ANKRD27: variants seen among roughly 807,000 people sequenced by gnomAD.
ANKRD27 encodes the protein ankyrin repeat domain-containing protein 27.
A neutral mutation model predicts 129.7 loss-of-function variants in ANKRD27; 112 were observed. That is an observed-to-expected ratio of 0.86 (90% confidence interval 0.74 to 1.01). The LOEUF (loss-of-function observed/expected upper bound fraction) is 1.01. Among genes scored for constraint, ANKRD27 ranks in the 50% least tolerant of loss-of-function variants. ANKRD27 has a pLI of 0.00. For missense variants in ANKRD27, 1,258 were observed against 1,300.5 expected (o/e 0.97, Z 0.50); for synonymous variants, 516 against 511.2 (o/e 1.01, Z -0.13).
At chr19:32,628,449 C>T (rs1966930249) in intron 14 of ANKRD27, among the ~76,000 whole-genome samples, 1 of 152,238 alleles carries the variant, frequency 6.6e-6, no homozygotes, top group Non-Finnish European at 1.5e-5. Context: ...ACTGACATTC[C>T]TCCCATCCTA....
chr19:32,619,598 G>A (rs77275135), intron 18 of ANKRD27, 45 bp from the exon 19 acceptor site: 24 of 1,606,794 alleles, frequency 1.5e-5, no homozygotes, highest in Non-Finnish European at 2.0e-5. Flanking sequence ...TGAGATGGGG[G>A]TCGTCTCAGC....
At chr19:32,659,070 T>C (rs1402536595) in intron 1 of ANKRD27, 25 bp from the exon 2 acceptor site, 1 of 1,250,456 alleles carries the variant, frequency 8.0e-7, no homozygotes, top group Non-Finnish European at 1.2e-6. Flanking sequence ...GGAAAAGCAG[T>C]GAATAGCCAT....
At chr19:32,625,712 G>A (rs569468972) in intron 17 of ANKRD27, among the ~76,000 whole-genome samples, 162 bp downstream of exon 17, 22 of 152,158 alleles carry the variant, frequency 1.4e-4, no homozygotes, top group Non-Finnish European at 2.2e-4. Flanking sequence ...GATTACAGGC[G>A]TGAGCCACCG....
chr19:32,673,385 C>A, intron 1 of ANKRD27: 1 of 985,350 alleles, frequency 1.0e-6, no homozygotes, highest in Non-Finnish European at 1.2e-6. Flanking sequence ...ATTTCACTCA[C>A]GCCTGTCCAC....
intron 21 of ANKRD27, 24 bp downstream of exon 21, chr19:32,617,565 T>C (rs1171231501): frequency 2.7e-6 from 2 of 743,702 alleles, no homozygotes; most frequent in Non-Finnish European, 4.9e-6. Flanking sequence ...AAAAATAAAA[T>C]AAAAAGCACT....
intron 18 of ANKRD27, among the ~76,000 whole-genome samples, chr19:32,621,387 G>T (rs932931915): frequency 6.6e-6 from 1 of 152,198 alleles, no homozygotes; most frequent in Non-Finnish European, 1.5e-5. Context: ...AGTACTTTGG[G>T]AGGCCAAGGT....
At chr19:32,639,590 T>C (rs11084666) in intron 11 of ANKRD27, 102 bp from the exon 12 acceptor site, 862,261 of 1,287,606 alleles carry the variant, frequency 0.67, 291,854 homozygotes, top group African/African-American at 0.84. Flanking sequence ...TCTAGTCAGT[T>C]GGTTCGCTCA....
chr19:32,619,203 C>T, intron 20 of ANKRD27, 57 bp downstream of exon 20: 2 of 1,573,570 alleles, frequency 1.3e-6, no homozygotes, highest in Non-Finnish European at 1.7e-6. Flanking sequence ...CAGCTGGACA[C>T]CACTGCCCAG....
At chr19:32,649,612 A>G in intron 3 of ANKRD27, 70 bp downstream of exon 3, 1 of 1,022,532 alleles carries the variant, frequency 9.8e-7, no homozygotes, top group Non-Finnish European at 1.5e-6. Context: ...TGAGAACGGG[A>G]CTCTCTTCCT....
chr19:32,652,495 A>G (rs1429505764), intron 2 of ANKRD27, among the ~76,000 whole-genome samples: 2 of 152,136 alleles, frequency 1.3e-5, no homozygotes, highest in East Asian at 3.9e-4. Flanking sequence ...CAGGTGGCTG[A>G]GGCCGGGAGG....
Position 32,639,339 on chromosome 19 carries a change from C to T in ANKRD27, c.1116+17G>A, listed in dbSNP as rs770065863. On this transcript the variant is annotated intron_variant, in intron 12 of 28. Coordinates refer to ENST00000306065, the MANE Select transcript of ANKRD27 (RefSeq NM_032139.3). Reference sequence around the variant, plus strand: ...TGATGCCCACAAAGGAAGGCCAGGGCAGGGGTGAGATCTTACAGGGGGTTT... The same window carrying T: ...TGATGCCCACAAAGGAAGGCCAGGGTAGGGGTGAGATCTTACAGGGGGTTT... 5 of 1,614,042 alleles carry T rather than the reference C, an allele frequency of 3.1e-6. No homozygotes were observed. In the South Asian group the frequency reaches 4.4e-5, roughly 14 times the overall value.
At chr19:32,616,336 T>C (rs1971918617) in intron 21 of ANKRD27, among the ~76,000 whole-genome samples, 1 of 152,114 alleles carries the variant, frequency 6.6e-6, no homozygotes, top group Non-Finnish European at 1.5e-5. Flanking sequence ...GCAGATCACC[T>C]GAGGTCAGGA....
At chr19:32,673,853 C>T (rs259286) in intron 1 of ANKRD27, among the ~76,000 whole-genome samples, 89,961 of 151,798 alleles carry the variant, frequency 0.59, 27,719 homozygotes, top group Non-Finnish European at 0.69. Context: ...CGAAACGTAA[C>T]AGCTACTGCT....
chr19:32,643,061 T>G (rs1967230848), intron 9 of ANKRD27, 62 bp downstream of exon 9: 1 of 1,545,744 alleles, frequency 6.5e-7, no homozygotes, highest in East Asian at 2.3e-5. Flanking sequence ...AGGGCCTGCT[T>G]CCGGGAGAAG....
Position 32,626,774 on chromosome 19 carries a change from T to C in ANKRD27, c.1474A>G (p.Thr492Ala), listed in dbSNP as rs749490309. The change falls in exon 16 of 29, where the codon ACA becomes GCA. Residue 492 changes from threonine to alanine, a missense_variant. By Grantham distance (58) the Thr-to-Ala change is moderately conservative. Coordinates refer to ENST00000306065, the MANE Select transcript of ANKRD27 (RefSeq NM_032139.3). ...LVSKGAMVNA[T>A]DYHGATPLHL... ...AGCGGAGTGGCTCCATGGTAGTCTGTGGCATTTACCATGGCGCCCTTGGAA... is the reference window on the plus strand; with the variant it reads ...AGCGGAGTGGCTCCATGGTAGTCTGCGGCATTTACCATGGCGCCCTTGGAA... 10 of 1,612,560 alleles carry C rather than the reference T, an allele frequency of 6.2e-6. No homozygotes were observed. In the African/African-American group the frequency reaches 6.7e-5, roughly 11 times the overall value.
intron 3 of ANKRD27, among the ~76,000 whole-genome samples, chr19:32,647,853 A>G (rs1395369829): frequency 6.6e-6 from 1 of 152,232 alleles, no homozygotes; most frequent in Non-Finnish European, 1.5e-5. Context: ...GCCACACTGC[A>G]GCACAAGATT....
At chr19:32,642,187 A>G (rs751991523) in intron 9 of ANKRD27, 42 bp from the exon 10 acceptor site, 1 of 1,533,270 alleles carries the variant, frequency 6.5e-7, no homozygotes, top group African/African-American at 1.4e-5. Flanking sequence ...GAGCACAGTA[A>G]GAGAACCCTC....
At chr19:32,617,539 C>A in intron 21 of ANKRD27, 50 bp downstream of exon 21, 1 of 724,496 alleles carries the variant, frequency 1.4e-6, no homozygotes. Flanking sequence ...AGAACAAGAC[C>A]CTGTCTCTAA....
At chr19:32,655,498 G>A (rs1444451348) in intron 2 of ANKRD27, among the ~76,000 whole-genome samples, 2 of 152,310 alleles carry the variant, frequency 1.3e-5, no homozygotes, top group Non-Finnish European at 2.9e-5. Flanking sequence ...CGGTGTCCCT[G>A]AAAGGAAGGT....
Sources: allele counts gnomAD v4.1 joint callset (sites outside exome capture counted in the v4.1 genomes callset), GRCh38; gene constraint gnomAD v4.1.1; transcripts MANE v1.5; gene names NCBI Gene and HGNC (gene_info 2026-07-23, HGNC 2026-07-21).